DENND5A: variants seen among roughly 807,000 people sequenced by gnomAD.
DENND5A encodes the protein DENN domain containing 5A, also known as DENN domain-containing protein 5A.
DENND5A carries 64 observed loss-of-function variants against 140.3 expected under a neutral mutation model. The observed-to-expected ratio is 0.46, with a 90% confidence interval of 0.37 to 0.56. The LOEUF (loss-of-function observed/expected upper bound fraction) is 0.56. DENND5A is among the 20% of genes least tolerant of loss of function. DENND5A has a pLI of 0.00. For missense variants in DENND5A, 1,292 were observed against 1,593.8 expected (o/e 0.81, Z 3.22); for synonymous variants, 605 against 607.7 (o/e 1.00, Z 0.07).
At chr11:9,196,326 A>C (rs766050812) in intron 4 of DENND5A, among the ~76,000 whole-genome samples, 7 of 152,178 alleles carry the variant, frequency 4.6e-5, no homozygotes, top group Admixed American at 2.6e-4. Context: ...CCCTCTAAAC[A>C]AACTACAGGG....
intron 1 of DENND5A, among the ~76,000 whole-genome samples, chr11:9,236,975 A>C (rs1261014675): frequency 6.6e-6 from 1 of 152,210 alleles, no homozygotes; most frequent in Non-Finnish European, 1.5e-5. Flanking sequence ...GTAACAGAAA[A>C]AGAGTTTCCA....
intron 4 of DENND5A, among the ~76,000 whole-genome samples, chr11:9,197,571 T>C (rs955400568): frequency 2.6e-5 from 4 of 151,796 alleles, no homozygotes; most frequent in African/African-American, 9.7e-5. Context: ...TGCACGTACC[T>C]GTAGTCCCAG....
chr11:9,194,676 G>A (rs372231450), intron 4 of DENND5A, among the ~76,000 whole-genome samples: 128 of 151,878 alleles, frequency 8.4e-4, no homozygotes, highest in Non-Finnish European at 9.1e-4. Context: ...GGGAAGGCTC[G>A]TGGGCTTGTG....
chr11:9,153,023 A>G (rs1847678593), intron 12 of DENND5A, among the ~76,000 whole-genome samples: 1 of 148,578 alleles, frequency 6.7e-6, no homozygotes, highest in Admixed American at 6.8e-5. Context: ...AAAAAGAAAG[A>G]AAGAAAAAAG....
chr11:9,224,268 G>A (rs1305877770), intron 1 of DENND5A, among the ~76,000 whole-genome samples: 1 of 152,136 alleles, frequency 6.6e-6, no homozygotes, highest in Non-Finnish European at 1.5e-5. Context: ...AACTCTTGAA[G>A]GGAAGTGAGA....
chr11:9,210,612 C>T lies in DENND5A; in HGVS notation c.110-2980G>A, dbSNP rs536037235. Among the ~76,000 whole-genome samples the T allele has an allele frequency of 1.7e-3, 261 of 152,290 alleles. 2 individuals carry two copies. The highest frequency in any genetic ancestry group is 1.7e-3 in the South Asian group (8 of 4,824). On this transcript the variant is annotated intron_variant, in intron 1 of 22. Coordinates refer to ENST00000328194, the MANE Select transcript of DENND5A (RefSeq NM_015213.4). ...AGGCTGGGGTGCAGTGGCACAATCA[C>T]GGCTCACTGCAGCCTCAACCTCCTG...
intron 6 of DENND5A, among the ~76,000 whole-genome samples, chr11:9,180,516 G>A (rs1419304439): frequency 6.6e-6 from 1 of 152,210 alleles, no homozygotes; most frequent in Non-Finnish European, 1.5e-5. Flanking sequence ...CTGTGCTGTA[G>A]TGTTCACATA....
At chr11:9,143,125 C>T (rs1847302205) in intron 20 of DENND5A, 1 of 584,692 alleles carries the variant, frequency 1.7e-6, no homozygotes, top group East Asian at 2.8e-5. Context: ...CAAGGAGACC[C>T]AGGCAAATCT....
intron 12 of DENND5A, among the ~76,000 whole-genome samples, chr11:9,153,784 C>T (rs978539161): frequency 2.0e-5 from 3 of 152,154 alleles, no homozygotes; most frequent in Admixed American, 6.5e-5. Flanking sequence ...AGAACCTTGG[C>T]GTTTGGAAAG....
At chr11:9,169,501 A>G (rs995375694) in intron 10 of DENND5A, among the ~76,000 whole-genome samples, 55 of 144,090 alleles carry the variant, frequency 3.8e-4, no homozygotes, top group Non-Finnish European at 5.6e-4. Flanking sequence ...ACACGCACAC[A>G]CACACACACA....
chr11:9,226,528 G>A (rs1850537604), intron 1 of DENND5A, among the ~76,000 whole-genome samples: 1 of 152,004 alleles, frequency 6.6e-6, no homozygotes, highest in Non-Finnish European at 1.5e-5. Context: ...TTTCAAATGT[G>A]GTTATTTGGG....
chr11:9,141,912 T>C (rs1847255789), intron 22 of DENND5A, 28 bp downstream of exon 22: 1 of 1,550,388 alleles, frequency 6.4e-7, no homozygotes, highest in Non-Finnish European at 8.7e-7. Flanking sequence ...CTAACCGCTG[T>C]GCACTCTGGG....
chr11:9,191,006 G>T (rs1247496006), intron 5 of DENND5A, among the ~76,000 whole-genome samples: 2 of 152,116 alleles, frequency 1.3e-5, no homozygotes, highest in African/African-American at 4.8e-5. Context: ...ACCTTCAGAA[G>T]ACAGGTGTGG....
In DENND5A at chr11:9,207,737, AAC is replaced by A. The variant is rs1849740604; in HGVS notation, c.110-107_110-106del. On this transcript the variant is annotated intron_variant, in intron 1 of 22. Transcript: ENST00000328194. ...TTACATTTTACATTATGAAACAATAAACACATACATGTATGTGTATACATAAA... is the reference window on the plus strand; with the variant it reads ...TTACATTTTACATTATGAAACAATAAACATACATGTATGTGTATACATAAA... 9.7e-6 allele frequency: 8 copies of A among 822,178 alleles called. No homozygotes were observed. In the South Asian group the frequency reaches 1.3e-4, roughly 13 times the overall value. The allele number at this position is 822,178 out of a possible 1,614,324, so 50.9% of individuals were successfully genotyped here.
In DENND5A at chr11:9,224,719, G is replaced by A. The variant is rs533727125; in HGVS notation, c.110-17087C>T. Among the ~76,000 whole-genome samples, 5 of 152,044 alleles carry A rather than the reference G, an allele frequency of 3.3e-5. No homozygotes were observed. In the South Asian group the frequency reaches 6.2e-4, roughly 19 times the overall value. On this transcript the variant is annotated intron_variant, in intron 1 of 22. Coordinates refer to ENST00000328194, the MANE Select transcript of DENND5A (RefSeq NM_015213.4). The stretch of plus-strand genomic sequence containing the variant: ...ACTAAAAATACAAAAACAGCCGGGC[G>A]TGGTGGCGCGCGCCTGTAATCCCAG...
At chr11:9,152,674 T>C (rs554733347) in intron 12 of DENND5A, among the ~76,000 whole-genome samples, 41 of 151,366 alleles carry the variant, frequency 2.7e-4, no homozygotes, top group African/African-American at 9.5e-4. Context: ...AGAAAGGAGA[T>C]GGGAAAGAGA....
At chr11:9,143,515 C>A in intron 19 of DENND5A, 30 bp from the exon 20 acceptor site, 1 of 1,573,142 alleles carries the variant, frequency 6.4e-7, no homozygotes, top group Non-Finnish European at 8.7e-7. Flanking sequence ...CATCCCTAAC[C>A]AATCTCTGAG....
At chr11:9,170,131 G>T in intron 9 of DENND5A, 182 bp from the exon 10 acceptor site, 1 of 415,358 alleles carries the variant, frequency 2.4e-6, no homozygotes, top group South Asian at 1.0e-4. Context: ...GACTGGACAT[G>T]AGAGAGACAC....
At chr11:9,237,246 G>A (rs751645320) in intron 1 of DENND5A, among the ~76,000 whole-genome samples, 11 of 151,988 alleles carry the variant, frequency 7.2e-5, no homozygotes, top group African/African-American at 2.2e-4. Flanking sequence ...GTAAAACCCC[G>A]TCTCTACTAA....
Sources: allele counts gnomAD v4.1 joint callset (sites outside exome capture counted in the v4.1 genomes callset), GRCh38; gene constraint gnomAD v4.1.1; transcripts MANE v1.5; gene names NCBI Gene and HGNC (gene_info 2026-07-23, HGNC 2026-07-21).